ZDHHC14: variants seen among roughly 807,000 people sequenced by gnomAD.
The protein encoded by ZDHHC14 is zDHHC palmitoyltransferase 14.
A neutral mutation model predicts 47.7 loss-of-function variants in ZDHHC14; 16 were observed. The ratio of observed to expected loss-of-function variants is 0.34; its 90% CI spans 0.23 to 0.51. ZDHHC14 has a LOEUF of 0.51. Among genes scored for constraint, ZDHHC14 ranks in the 20% least tolerant of loss-of-function variants. The pLI, the probability that ZDHHC14 is intolerant of heterozygous loss-of-function variation, is 0.97. For missense variants in ZDHHC14, 515 were observed against 662.5 expected, an observed-to-expected ratio of 0.78 and a Z score of 2.44; for synonymous variants, 293 against 278.9, an observed-to-expected ratio of 1.05 and a Z score of -0.50.
chr6:157,540,230 G>C (rs1333947798), intron 1 of ZDHHC14, among the ~76,000 whole-genome samples: 1 of 152,202 alleles, frequency 6.6e-6, no homozygotes, highest in African/African-American at 2.4e-5. Flanking sequence ...CCTGGTTAGG[G>C]GGTGGAGGTG....
At chr6:157,662,038 T>A (rs80214035) in intron 8 of ZDHHC14, among the ~76,000 whole-genome samples, 1 of 151,878 alleles carries the variant, frequency 6.6e-6, no homozygotes, top group Admixed American at 6.6e-5. Flanking sequence ...AATCAGAACT[T>A]TGTGCATGGA....
At chr6:157,453,240 A>T (rs1279711326) in intron 1 of ZDHHC14, among the ~76,000 whole-genome samples, 1 of 152,200 alleles carries the variant, frequency 6.6e-6, no homozygotes, top group Non-Finnish European at 1.5e-5. Flanking sequence ...TATGTTCTTT[A>T]GATACCGAAG....
At chr6:157,535,220 C>T (rs1003535025) in intron 1 of ZDHHC14, among the ~76,000 whole-genome samples, 14 of 152,276 alleles carry the variant, frequency 9.2e-5, no homozygotes, top group Admixed American at 8.5e-4. Flanking sequence ...AGCCTGGAGC[C>T]CCTCTCCTCA....
chr6:157,536,204 C>T (rs1781540125), intron 1 of ZDHHC14, among the ~76,000 whole-genome samples: 1 of 152,190 alleles, frequency 6.6e-6, no homozygotes, highest in East Asian at 1.9e-4. Flanking sequence ...GGCAATAATG[C>T]AGCAAGGCCA....
At position 157,676,596 on chromosome 6, in the gene ZDHHC14, C is replaced by G. The variant is rs1431146981; in HGVS notation, c.*3474C>G. On this transcript the variant is annotated 3_prime_UTR_variant, in exon 9 of 9. Coordinates refer to ENST00000359775, the MANE Select transcript of ZDHHC14 (RefSeq NM_024630.3). ...TGGGCCTAGGCCTTCTTGTCTGACT[C>G]AACAGCAAGAAAAATGAACTTGCCA... is the stretch of plus-strand genomic sequence containing the variant. 1 of 152,270 alleles carries G rather than the reference C, an allele frequency of 6.6e-6. No individual in the cohort carries two copies. The allele number at this position is 152,270 out of a possible 1,614,324, so 9.4% of individuals were successfully genotyped here. A position where few individuals can be genotyped will look rare whatever the true frequency, so the allele number is the denominator to read the frequency against.
Position 157,647,270 on chromosome 6 carries a change from C to G in ZDHHC14, c.867C>G (p.Ser289=). 6.2e-7 allele frequency: 1 copy of G among 1,613,248 alleles called. No individual in the cohort carries two copies. The highest frequency in any genetic ancestry group is 8.5e-7 in the Non-Finnish European group (1 of 1,179,354). ...TCCTTTTCTTTCAGATTAAAGGATC[C>G]TGGTCAAATAAAAGAGGTAAAGAAA... ...NQTTNEDIKG[S]WSNKRGKENY... The change falls in exon 7 of 9, where the codon TCC becomes TCG. Residue 289 remains serine (S), a synonymous_variant. Transcript: ENST00000359775.
intron 1 of ZDHHC14, among the ~76,000 whole-genome samples, chr6:157,481,820 A>G (rs550921885): frequency 1.6e-4 from 24 of 147,512 alleles, no homozygotes; most frequent in African/African-American, 4.9e-4. Flanking sequence ...GTTTCTTTCT[A>G]TCTATCTATC....
intron 1 of ZDHHC14, among the ~76,000 whole-genome samples, chr6:157,533,438 G>C (rs1209165288): frequency 6.6e-6 from 1 of 152,106 alleles, no homozygotes; most frequent in Non-Finnish European, 1.5e-5. Context: ...GTCAGGGAAG[G>C]CTCTACAGAG....
At chr6:157,527,256 T>C (rs1471412045) in intron 1 of ZDHHC14, among the ~76,000 whole-genome samples, 1 of 152,262 alleles carries the variant, frequency 6.6e-6, no homozygotes, top group African/African-American at 2.4e-5. Context: ...CCTACCAGAC[T>C]TGGGCACCTC....
intron 5 of ZDHHC14, among the ~76,000 whole-genome samples, chr6:157,643,579 C>T (rs999066439): frequency 1.4e-5 from 2 of 147,258 alleles, no homozygotes; most frequent in African/African-American, 5.0e-5. Flanking sequence ...ACCTGGGAGG[C>T]GGAGGTTGCA....
rs1418916727 is a variant in ZDHHC14 at position 157,675,460 on chromosome 6, T to C, written c.*2338T>C. ...CACACACTTGGCATCATTTATCCAATAGGGGACTGGGAATTTTGGTGAAGT... is the reference window on the plus strand; with the variant it reads ...CACACACTTGGCATCATTTATCCAACAGGGGACTGGGAATTTTGGTGAAGT... On this transcript the variant is annotated 3_prime_UTR_variant, in exon 9 of 9. Transcript: ENST00000359775. 12 of 152,224 alleles carry C rather than the reference T, an allele frequency of 7.9e-5. No homozygotes were observed. Among genetic ancestry groups the C allele is most frequent in the Admixed American group, 7.2e-4 (11 of 15,284 alleles). The allele number at this position is 152,224 out of a possible 1,614,324, so 9.4% of individuals were successfully genotyped here.
intron 2 of ZDHHC14, among the ~76,000 whole-genome samples, chr6:157,554,565 G>A (rs919001558): frequency 6.6e-5 from 10 of 152,196 alleles, no homozygotes; most frequent in African/African-American, 2.4e-4. Context: ...CACTTCCAGA[G>A]CTCTGTAGAA....
chr6:157,651,764 G>A (rs1777848728), intron 7 of ZDHHC14, among the ~76,000 whole-genome samples: 1 of 152,108 alleles, frequency 6.6e-6, no homozygotes, highest in Non-Finnish European at 1.5e-5. Context: ...TAGAGGTGGG[G>A]TTTCACCATG....
chr6:157,626,909 G>A (rs1394539512), intron 3 of ZDHHC14, among the ~76,000 whole-genome samples: 2 of 151,190 alleles, frequency 1.3e-5, no homozygotes, highest in African/African-American at 2.4e-5. Context: ...GGCGGCGGGG[G>A]CAGCAACACA....
chr6:157,653,496 T>C, intron 7 of ZDHHC14, 29 bp from the exon 8 acceptor site: 1 of 1,611,298 alleles, frequency 6.2e-7, no homozygotes, highest in Non-Finnish European at 8.5e-7. Flanking sequence ...ATTCACTCTC[T>C]TCCTGCTGTG....
chr6:157,447,877 G>C (rs1005069177), intron 1 of ZDHHC14, among the ~76,000 whole-genome samples: 4 of 152,016 alleles, frequency 2.6e-5, no homozygotes, highest in African/African-American at 9.7e-5. Flanking sequence ...AAAAACTGTT[G>C]TTATTTTTTT....
chr6:157,672,359 A>G (rs1321869364), intron 8 of ZDHHC14, among the ~76,000 whole-genome samples: 1 of 152,220 alleles, frequency 6.6e-6, no homozygotes. Flanking sequence ...GGTTTTCAGC[A>G]TACAAGAAAC....
intron 2 of ZDHHC14, among the ~76,000 whole-genome samples, chr6:157,568,791 A>C (rs1247075520): frequency 1.3e-5 from 2 of 152,142 alleles, no homozygotes; most frequent in Non-Finnish European, 2.9e-5. Context: ...ACAATACCAA[A>C]TATTGTCAAG....
chr6:157,622,956 C>G (rs1263655712), intron 3 of ZDHHC14, among the ~76,000 whole-genome samples: 1 of 152,170 alleles, frequency 6.6e-6, no homozygotes, highest in Non-Finnish European at 1.5e-5. Flanking sequence ...TGATTCCTCC[C>G]CTCTGGGAGC....
Sources: allele counts gnomAD v4.1 joint callset (sites outside exome capture counted in the v4.1 genomes callset), GRCh38; gene constraint gnomAD v4.1.1; transcripts MANE v1.5; gene names NCBI Gene and HGNC (gene_info 2026-07-23, HGNC 2026-07-21).